ATP8B2: variants seen among roughly 807,000 people sequenced by gnomAD.
ATP8B2 encodes phospholipid-transporting ATPase ID.
In ATP8B2, 70 loss-of-function variants were observed where a neutral mutation model predicts 133.4. The ratio of observed to expected loss-of-function variants is 0.52; its 90% confidence interval spans 0.43 to 0.64. ATP8B2 has a LOEUF of 0.64. Among genes scored for constraint, ATP8B2 ranks in the 30% least tolerant of loss-of-function variants. ATP8B2 has a pLI of 0.00. For missense variants in ATP8B2, 1,101 were observed against 1,535.7 expected, an observed-to-expected ratio of 0.72 and a Z score of 4.73; for synonymous variants, 517 against 589.5, an observed-to-expected ratio of 0.88 and a Z score of 1.78.
At chr1:154,336,483 AT>A (rs10708729) in intron 11 of ATP8B2, among the ~76,000 whole-genome samples, 58,610 of 124,698 alleles carry the variant, frequency 0.47, 11,991 homozygotes, top group Non-Finnish European at 0.49. Flanking sequence ...AATCTCATAA[AT>A]TTTTTTTTTT....
Position 154,348,492 on chromosome 1 carries a change from C to T in ATP8B2, c.3248C>T (p.Ala1083Val), listed in dbSNP as rs752374534. 60 of 1,614,022 alleles carry T rather than the reference C, an allele frequency of 3.7e-5. 1 individual carries two copies. The East Asian group carries it at 1.3e-3, about 36-fold the overall frequency. Residue 1083 changes from alanine to valine, a missense_variant, in exon 27 of 28, where the codon GCC (alanine) becomes GTC (valine). By Grantham distance (64) the Ala-to-Val change is moderately conservative. Transcript: ENST00000368489. ...GTCGTCTGCATCATGCCCGTGGTTG[C>T]CTTCCGATTCCTCAGGCTCAACCTG... ...TTVVCIMPVVAFRFLRLNLKP... is the reference protein window; with the variant it reads ...TTVVCIMPVVVFRFLRLNLKP...
At chr1:154,332,914 T>G (rs1453590502) in intron 9 of ATP8B2, among the ~76,000 whole-genome samples, 1 of 152,230 alleles carries the variant, frequency 6.6e-6, no homozygotes, top group Non-Finnish European at 1.5e-5. Flanking sequence ...AGCTCCCCAC[T>G]TGCTATGCAT....
In ATP8B2 at chr1:154,341,523, C is replaced by T. The variant is rs549923753; in HGVS notation, c.1243+461C>T. The T allele has an allele frequency of 1.3e-4, 29 of 220,372 alleles. No homozygotes were observed. In the South Asian group the frequency reaches 1.6e-3, roughly 12 times the overall value. 13.7% of individuals were successfully genotyped at this position (220,372 alleles called of 1,614,324 possible). On this transcript the variant is annotated intron_variant, in intron 13 of 27. Coordinates refer to ENST00000368489, the MANE Select transcript of ATP8B2 (RefSeq NM_001370597.1). Reference sequence around the variant, plus strand: ...AAAATCCACACACAAAGAAGAGGTCCATTCTGTGTCCCATGTCAAGAAGCA... The same window carrying T: ...AAAATCCACACACAAAGAAGAGGTCTATTCTGTGTCCCATGTCAAGAAGCA...
At position 154,343,345 on chromosome 1, in the gene ATP8B2, C is replaced by T; in HGVS notation, c.1642+44C>T. 2 of 1,609,226 alleles carry T rather than the reference C, an allele frequency of 1.2e-6. No homozygotes were observed. The highest frequency in any genetic ancestry group is 1.7e-6 in the Non-Finnish European group (2 of 1,176,642). On this transcript the variant is annotated intron_variant, in intron 16 of 27. Transcript: ENST00000368489. The surrounding 1 kb of genome is among the most constrained non-coding windows in gnomAD (Gnocchi z 5.8). ...TGCTGGGGCGTTTGGGGACAGCATT[C>T]AGGCCTGGAATGGGTGAAGTGTGCC...
In ATP8B2 at chr1:154,344,246, A is replaced by C; in HGVS notation, c.2027A>C (p.Asp676Ala). 6.2e-7 allele frequency: 1 copy of C among 1,614,186 alleles called. No homozygotes were observed. The highest frequency in any genetic ancestry group is 8.5e-7 in the Non-Finnish European group (1 of 1,180,030). ...ATCAAGATTTGGGTGCTAACCGGAG[A>C]CAAGCAAGGTGAGAGCCCAGCAGGG... is the stretch of plus-strand genomic sequence containing the variant. ...ANIKIWVLTG[D>A]KQETAVNIGY... Residue 676 changes from aspartate to alanine, a missense_variant, in exon 19 of 28, where the codon GAC becomes GCC. By Grantham distance (126) the Asp-to-Ala change is moderately radical. Coordinates refer to ENST00000368489, the MANE Select transcript of ATP8B2 (RefSeq NM_001370597.1). This position sits in a 1 kb window ranked among gnomAD's most constrained non-coding sequence, Gnocchi z 4.1.
At position 154,349,944 on chromosome 1, in the gene ATP8B2, G is replaced by C. The variant is rs945599565; in HGVS notation, c.*826G>C. ...CCAACACACACACATATCAATTCCT[G>C]GATTCCTTAGTCCTGCTGGCCTTGG... On this transcript the variant is annotated 3_prime_UTR_variant, in exon 28 of 28. Transcript: ENST00000368489. 5 of 152,544 alleles carry C rather than the reference G, an allele frequency of 3.3e-5. No individual in the cohort carries two copies. Among genetic ancestry groups the C allele is most frequent in the African/African-American group, 1.2e-4 (5 of 41,434 alleles). The allele number at this position is 152,544 out of a possible 1,614,324, so 9.4% of individuals were successfully genotyped here. A position where few individuals can be genotyped will look rare whatever the true frequency, so the allele number is the denominator to read the frequency against.
Position 154,349,266 on chromosome 1 carries a change from C to G in ATP8B2, c.*148C>G. 9.5e-7 allele frequency: 1 copy of G among 1,052,182 alleles called. No homozygotes were observed. The highest frequency in any genetic ancestry group is 1.4e-6 in the Non-Finnish European group (1 of 739,358). 65.2% of individuals were successfully genotyped at this position (1,052,182 alleles called of 1,614,324 possible). A position where few individuals can be genotyped will look rare whatever the true frequency, so the allele number is the denominator to read the frequency against. Reference sequence around the variant, plus strand: ...GTCCTGCTGGTCCCACCACACATGGCTGGGACATCTGTTCCCAGCTGTAGG... The same window carrying G: ...GTCCTGCTGGTCCCACCACACATGGGTGGGACATCTGTTCCCAGCTGTAGG... On this transcript the variant is annotated 3_prime_UTR_variant, in exon 28 of 28. Coordinates refer to ENST00000368489, the MANE Select transcript of ATP8B2 (RefSeq NM_001370597.1).
chr1:154,327,710 C>G, intron 1 of ATP8B2: 2 of 1,333,722 alleles, frequency 1.5e-6, no homozygotes, highest in Non-Finnish European at 2.1e-6. Flanking sequence ...CATGTTCCCT[C>G]CACCCCACCC....
rs913622171 is a variant in ATP8B2 at position 154,328,642 on chromosome 1, C to G, written c.31+470C>G. ...TGGGAGGGGAGGCGGGGCTCGCGCGCGAGCTTTCGCCTACGCGGCGCGCTG... is the reference window on the plus strand; with the variant it reads ...TGGGAGGGGAGGCGGGGCTCGCGCGGGAGCTTTCGCCTACGCGGCGCGCTG... On this transcript the variant is annotated intron_variant, in intron 2 of 27. Coordinates refer to ENST00000368489, the MANE Select transcript of ATP8B2 (RefSeq NM_001370597.1). The surrounding 1 kb of genome is among the most constrained non-coding windows in gnomAD (Gnocchi z 4.6). Among the ~76,000 whole-genome samples the G allele has an allele frequency of 6.6e-6, 1 of 152,058 alleles. No homozygotes were observed. The highest frequency in any genetic ancestry group is 1.9e-4 in the East Asian group (1 of 5,168).
At chr1:154,327,949 G>C in intron 1 of ATP8B2, 156 bp from the exon 2 acceptor site, 1 of 1,539,674 alleles carries the variant, frequency 6.5e-7, no homozygotes, top group South Asian at 1.1e-5. Context: ...TCTTTCCCAG[G>C]AACCCATCAT....
At chr1:154,336,895 A>G (rs1282082046) in intron 11 of ATP8B2, among the ~76,000 whole-genome samples, 1 of 151,100 alleles carries the variant, frequency 6.6e-6, no homozygotes, top group Non-Finnish European at 1.5e-5. Flanking sequence ...CCCGGGTTCA[A>G]GCAATTCTCA....
chr1:154,328,298 C>A lies in ATP8B2; in HGVS notation c.31+126C>A, dbSNP rs999465054. On this transcript the variant is annotated intron_variant, in intron 2 of 27. Transcript: ENST00000368489. The surrounding 1 kb of genome is among the most constrained non-coding windows in gnomAD (Gnocchi z 4.6). ...GGAGGGTAGCTTACAGCAGCCCCTA[C>A]CCAGCTTGGGGGCAGCCTAGGAAAC... The A allele has an allele frequency of 3.5e-5, 37 of 1,057,102 alleles. No individual in the cohort carries two copies. Among genetic ancestry groups the A allele is most frequent in the Non-Finnish European group, 2.9e-6 (2 of 689,258 alleles). The allele number at this position is 1,057,102 out of a possible 1,614,324, so 65.5% of individuals were successfully genotyped here.
rs1254631631 is a variant in ATP8B2 at position 154,348,911 on chromosome 1, T to C, written c.3366T>C (p.Thr1122=). ...GCTGCATGCGGCGGGTTGGCCGCAC[T>C]GGCTCCCGGCGCTCCGGCTATGCCT... ...QHRCMRRVGR[T]GSRRSGYAFS... is the part of the protein sequence containing the mutation. Residue 1122 remains threonine (T), a synonymous_variant, in exon 28 of 28, where the codon ACT becomes ACC. Coordinates refer to ENST00000368489, the MANE Select transcript of ATP8B2 (RefSeq NM_001370597.1). 1.2e-6 allele frequency: 2 copies of C among 1,613,682 alleles called. No individual in the cohort carries two copies. Among genetic ancestry groups the C allele is most frequent in the Non-Finnish European group, 1.7e-6 (2 of 1,179,810 alleles).
Position 154,349,896 on chromosome 1 carries a change from G to C in ATP8B2, c.*778G>C, listed in dbSNP as rs1358608760. ...GGTCCTGTCTGCTTCCTCACCTTGA[G>C]AGTAAAGTGCTGCCCTCTGCCCCCA... On this transcript the variant is annotated 3_prime_UTR_variant, in exon 28 of 28. Transcript: ENST00000368489. The C allele has an allele frequency of 6.6e-6, 1 of 152,488 alleles. No homozygotes were observed. Among genetic ancestry groups the C allele is most frequent in the Non-Finnish European group, 1.5e-5 (1 of 68,306 alleles). The allele number at this position is 152,488 out of a possible 1,614,324, so 9.4% of individuals were successfully genotyped here. A position where few individuals can be genotyped will look rare whatever the true frequency, so the allele number is the denominator to read the frequency against.
In ATP8B2 at chr1:154,345,865, T is replaced by G; in HGVS notation, c.2760T>G (p.Ala920=). The G allele has an allele frequency of 6.2e-7, 1 of 1,612,518 alleles. No homozygotes were observed. Among genetic ancestry groups the G allele is most frequent in the South Asian group, 1.1e-5 (1 of 91,030 alleles). The change falls in exon 24 of 28, where the codon GCT becomes GCG. Residue 920 remains alanine, a synonymous_variant. Coordinates refer to ENST00000368489, the MANE Select transcript of ATP8B2 (RefSeq NM_001370597.1). The surrounding 1 kb of genome is among the most constrained non-coding windows in gnomAD (Gnocchi z 5.6). The part of the protein sequence containing the change: ...NIVYTSLPVL[A]MGVFDQDVPE... ...TGTACACCTCCCTGCCAGTCCTGGC[T>G]ATGGGGGTCTTTGATCAGGTATGGG...
chr1:154,347,141 C>T (rs181050115), intron 26 of ATP8B2, among the ~76,000 whole-genome samples: 3 of 152,318 alleles, frequency 2.0e-5, no homozygotes, highest in East Asian at 1.9e-4. Flanking sequence ...CCACTCACCT[C>T]GGCCTCCCAA....
chr1:154,342,346 C>CA, intron 13 of ATP8B2, 134 bp from the exon 14 acceptor site: 2 of 880,440 alleles, frequency 2.3e-6, no homozygotes, highest in Non-Finnish European at 3.7e-6. Flanking sequence ...GAGTGACTCA[C>CA]ACTGTGACAG....
chr1:154,342,392 A>G, intron 13 of ATP8B2, 88 bp from the exon 14 acceptor site: 1 of 1,333,582 alleles, frequency 7.5e-7, no homozygotes, highest in Non-Finnish European at 1.1e-6. Flanking sequence ...CTCAGTGCCT[A>G]CGGGGATTCT....
Position 154,345,063 on chromosome 1 carries a change from G to T in ATP8B2, c.2379G>T (p.Gln793His). 1 of 1,614,224 alleles carries T rather than the reference G, an allele frequency of 6.2e-7. No individual in the cohort carries two copies. Among genetic ancestry groups the T allele is most frequent in the Non-Finnish European group, 8.5e-7 (1 of 1,180,034 alleles). ...TCTGCTGCCGGGTGACCCCCTTGCA[G>T]AAGGCACAGGTGGTAGAACTGGTCA... ...AVICCRVTPL[Q>H]KAQVVELVKK... Residue 793 changes from glutamine to histidine, a missense_variant, in exon 22 of 28, where the codon CAG (glutamine) becomes CAT (histidine). Physicochemically the swap from Gln to His is conservative, Grantham distance 24. Coordinates refer to ENST00000368489, the MANE Select transcript of ATP8B2 (RefSeq NM_001370597.1). The surrounding 1 kb of genome is among the most constrained non-coding windows in gnomAD (Gnocchi z 5.6).
Sources: allele counts gnomAD v4.1 joint callset (sites outside exome capture counted in the v4.1 genomes callset), GRCh38; gene constraint gnomAD v4.1.1; non-coding constraint Gnocchi (gnomAD v3.1); transcripts MANE v1.5; gene names NCBI Gene and HGNC (gene_info 2026-07-23, HGNC 2026-07-21).